Variants in NECTIN3 observed in about 807,000 individuals in gnomAD.
The protein encoded by NECTIN3 is nectin cell adhesion molecule 3.
In NECTIN3, 8 loss-of-function variants were observed where a neutral mutation model predicts 49.4. The ratio of observed to expected loss-of-function variants is 0.16; its 90% confidence interval spans 0.10 to 0.29. NECTIN3 has a LOEUF of 0.29. Among genes scored for constraint, NECTIN3 ranks in the 10% least tolerant of loss-of-function variants. The pLI, the probability that NECTIN3 is intolerant of heterozygous loss-of-function variation, is 1.00. For synonymous variants in NECTIN3, 277 were observed against 241.1 expected, an observed-to-expected ratio of 1.15 and a Z score of -1.38; for missense variants, 581 against 654.6, an observed-to-expected ratio of 0.89 and a Z score of 1.23.
rs1225582044 is a variant in NECTIN3, at chr3:111,134,800, G to A, written c.*585G>A. The A allele has an allele frequency of 1.0e-6, 1 of 980,588 alleles. No homozygotes were observed. Among genetic ancestry groups the A allele is most frequent in the South Asian group, 4.7e-5 (1 of 21,186 alleles). 60.7% of individuals were successfully genotyped at this position (980,588 alleles called of 1,614,324 possible). A position where few individuals can be genotyped will look rare whatever the true frequency, so the allele number is the denominator to read the frequency against. On this transcript the variant is annotated 3_prime_UTR_variant, in exon 6 of 6. Transcript: ENST00000485303. Reference sequence around the variant, plus strand: ...AATCTTTACCTCTGCATATTAATGAGCCTTGCCATAATTACTGTAGAGTGG... The same window carrying A: ...AATCTTTACCTCTGCATATTAATGAACCTTGCCATAATTACTGTAGAGTGG...
chr3:111,143,722 C>T (rs557990359), intron 5 of NECTIN3, among the ~76,000 whole-genome samples: 4 of 151,934 alleles, frequency 2.6e-5, no homozygotes, highest in South Asian at 4.1e-4. Flanking sequence ...CTTCATTAGT[C>T]GGCGTTATAT....
intron 1 of NECTIN3, chr3:111,193,106 A>G: frequency 8.9e-7 from 1 of 1,129,618 alleles, no homozygotes. Flanking sequence ...CAGGGACACT[A>G]AACTGTAGTG....
chr3:111,103,895 G>T (rs1437538414), intron 1 of NECTIN3, among the ~76,000 whole-genome samples: 1 of 152,088 alleles, frequency 6.6e-6, no homozygotes, highest in Non-Finnish European at 1.5e-5. Context: ...ACCACAATTT[G>T]TATATTCATT....
chr3:111,140,566 T>G (rs1490704005), downstream of NECTIN3, among the ~76,000 whole-genome samples: 1 of 151,906 alleles, frequency 6.6e-6, no homozygotes, highest in African/African-American at 2.4e-5. Context: ...GTATATAACA[T>G]GTAGATTAGC....
intron 7 of NECTIN3, among the ~76,000 whole-genome samples, chr3:111,147,685 C>G (rs1157897483): frequency 6.6e-6 from 1 of 152,072 alleles, no homozygotes; most frequent in Non-Finnish European, 1.5e-5. Context: ...AGTCATTTCT[C>G]TGAAACATTT....
At chr3:111,092,136 T>C (rs2032307293) in intron 1 of NECTIN3, among the ~76,000 whole-genome samples, 1 of 152,218 alleles carries the variant, frequency 6.6e-6, no homozygotes, top group African/African-American at 2.4e-5. Flanking sequence ...TCAATTGGGT[T>C]ATTTATATTT....
At chr3:111,086,303 A>C (rs2031922228) in intron 1 of NECTIN3, among the ~76,000 whole-genome samples, 1 of 152,160 alleles carries the variant, frequency 6.6e-6, no homozygotes, top group African/African-American at 2.4e-5. Flanking sequence ...TGTGTAGTCA[A>C]AACCAGTCTT....
intron 7 of NECTIN3, among the ~76,000 whole-genome samples, chr3:111,184,518 C>G (rs1225097344): frequency 2.0e-5 from 3 of 152,164 alleles, no homozygotes; most frequent in Non-Finnish European, 2.9e-5. Flanking sequence ...TTGCCAGATG[C>G]TAGCACCTTG....
At position 111,072,108 on chromosome 3, in the gene NECTIN3, C is replaced by T. The variant is rs757993498; in HGVS notation, c.91C>T (p.Leu31=). The T allele has an allele frequency of 1.9e-6, 3 of 1,549,606 alleles. No homozygotes were observed. The change falls in exon 1 of 6, where the codon CTG becomes TTG. Residue 31 remains leucine, a synonymous_variant. Coordinates refer to ENST00000485303, the MANE Select transcript of NECTIN3 (RefSeq NM_015480.3). ...TTCTCTCCTCGGAGCCGGGCTCCTGCTGCAGCCCCCGACGCCACCTCCGCT... is the reference window on the plus strand; with the variant it reads ...TTCTCTCCTCGGAGCCGGGCTCCTGTTGCAGCCCCCGACGCCACCTCCGCT... ...SASLLGAGLL[L]QPPTPPPLLL...
chr3:111,187,223 C>T (rs534744991), intron 7 of NECTIN3, among the ~76,000 whole-genome samples: 9 of 152,168 alleles, frequency 5.9e-5, no homozygotes, highest in African/African-American at 1.7e-4. Context: ...TATAGCAATA[C>T]CCTGTCTCTA....
intron 5 of NECTIN3, among the ~76,000 whole-genome samples, 167 bp downstream of exon 5, chr3:111,126,502 G>A (rs1473217720): frequency 1.3e-5 from 2 of 152,106 alleles, no homozygotes; most frequent in Non-Finnish European, 2.9e-5. Context: ...CCTATCCTGA[G>A]ATAGGTATGT....
chr3:111,114,815 C>T (rs973341890), intron 2 of NECTIN3, among the ~76,000 whole-genome samples: 2 of 151,644 alleles, frequency 1.3e-5, no homozygotes, highest in African/African-American at 4.9e-5. Context: ...TTTTTTTCAA[C>T]TAACTGCAAA....
chr3:111,157,679 G>A (rs767448133), intron 7 of NECTIN3, among the ~76,000 whole-genome samples: 11 of 152,062 alleles, frequency 7.2e-5, no homozygotes, highest in Admixed American at 2.0e-4. Context: ...TACTGACATT[G>A]TGTATTGGAC....
chr3:111,090,168 AT>A (rs1372135015), intron 1 of NECTIN3, among the ~76,000 whole-genome samples: 2 of 152,110 alleles, frequency 1.3e-5, no homozygotes, highest in Admixed American at 6.5e-5. Context: ...CAGCAGATAT[AT>A]TTTAGAAAGT....
rs1280661359 is a variant in NECTIN3, at chr3:111,134,610, A to G, written c.*395A>G. ...ATCTCAAGTATGATGTTTGTTTAAC[A>G]TATACCTCTCAAAATTTATCACCAC... On this transcript the variant is annotated 3_prime_UTR_variant, in exon 6 of 6. Transcript: ENST00000485303. 2.2e-5 allele frequency: 20 copies of G among 918,548 alleles called. No homozygotes were observed. The highest frequency in any genetic ancestry group is 2.5e-5 in the Non-Finnish European group (19 of 769,210). The allele number at this position is 918,548 out of a possible 1,614,324, so 56.9% of individuals were successfully genotyped here.
At position 111,112,343 on chromosome 3, in the gene NECTIN3, C is replaced by T; in HGVS notation, c.474C>T (p.Ala158=). 1 of 1,609,870 alleles carries T rather than the reference C, an allele frequency of 6.2e-7. No homozygotes were observed. The highest frequency in any genetic ancestry group is 8.5e-7 in the Non-Finnish European group (1 of 1,177,114). The part of the protein sequence containing the change: ...CKAVTFPLGN[A]QSSTTVTVLV... Reference sequence around the variant, plus strand: ...CTGTTACATTCCCGCTTGGAAATGCCCAGTCCTCTACAACTGTAACTGTGT... The same window carrying T: ...CTGTTACATTCCCGCTTGGAAATGCTCAGTCCTCTACAACTGTAACTGTGT... Residue 158 remains alanine (A), a synonymous_variant, in exon 2 of 6, where the codon GCC becomes GCT. Coordinates refer to ENST00000485303, the MANE Select transcript of NECTIN3 (RefSeq NM_015480.3).
chr3:111,080,990 AAC>A (rs1239616075), intron 1 of NECTIN3, among the ~76,000 whole-genome samples: 2 of 152,188 alleles, frequency 1.3e-5, no homozygotes, highest in Admixed American at 6.5e-5. Flanking sequence ...ACATATTTAA[AAC>A]ACAAAGCAGG....
At chr3:111,189,841 G>A (rs558176403), upstream of NECTIN3, among the ~76,000 whole-genome samples, 5 of 152,312 alleles carry the variant, frequency 3.3e-5, no homozygotes, top group Admixed American at 1.3e-4. Flanking sequence ...ATGGCCTCCA[G>A]GCACCTGCCA....
intron 1 of NECTIN3, among the ~76,000 whole-genome samples, chr3:111,093,148 A>G (rs1373959740): frequency 6.6e-6 from 1 of 152,172 alleles, no homozygotes; most frequent in Non-Finnish European, 1.5e-5. Flanking sequence ...TGTATCCTTC[A>G]AACCTGATGA....
Sources: gnomAD v4.1 joint callset for allele counts (sites outside exome capture counted in the v4.1 genomes callset) on GRCh38, gnomAD v4.1.1 for gene constraint, MANE v1.5 for transcripts, NCBI Gene and HGNC (gene_info 2026-07-23, HGNC 2026-07-21) for gene names.